The following PIAS1 variants were observed in gnomAD, a reference collection of about 807,000 sequenced individuals.
PIAS1 encodes protein inhibitor of activated STAT 1.
In PIAS1, 6 loss-of-function variants were observed where a neutral mutation model predicts 71.3. That is an observed-to-expected ratio of 0.08 (90% CI 0.05 to 0.17). The LOEUF is 0.17. PIAS1 is among the 10% of genes least tolerant of loss of function. The pLI is 1.00. For synonymous variants in PIAS1, 303 were observed against 292.9 expected (o/e 1.03, Z -0.35); for missense variants, 555 against 793.6 (o/e 0.70, Z 3.61).
intron 2 of PIAS1, among the ~76,000 whole-genome samples, chr15:68,140,178 A>G (rs1000438669): frequency 6.6e-6 from 1 of 152,150 alleles, no homozygotes; most frequent in Admixed American, 6.6e-5. Flanking sequence ...TAGCCTTGTT[A>G]TTTTAGTTAT....
At chr15:68,114,297 C>T (rs1304640049) in intron 2 of PIAS1, among the ~76,000 whole-genome samples, 1 of 151,868 alleles carries the variant, frequency 6.6e-6, no homozygotes, top group Non-Finnish European at 1.5e-5. Flanking sequence ...ATTCTCATAT[C>T]ATTAAGTATT....
chr15:68,118,565 C>T (rs1362071125), intron 2 of PIAS1, among the ~76,000 whole-genome samples: 1 of 150,260 alleles, frequency 6.7e-6, no homozygotes, highest in Non-Finnish European at 1.5e-5. Flanking sequence ...TGGTCTCTAA[C>T]TCCTCGCCTC....
intron 1 of PIAS1, among the ~76,000 whole-genome samples, chr15:68,085,711 A>T (rs1272058164): frequency 6.6e-6 from 1 of 152,236 alleles, no homozygotes; most frequent in Non-Finnish European, 1.5e-5. Flanking sequence ...AGTTGTAAAG[A>T]TAATGACATT....
chr15:68,092,414 C>G (rs956257969), intron 2 of PIAS1, among the ~76,000 whole-genome samples: 1 of 152,126 alleles, frequency 6.6e-6, no homozygotes, highest in Non-Finnish European at 1.5e-5. Context: ...TCAAAGCAGT[C>G]CGCTCACCTC....
At chr15:68,115,105 A>G (rs1256657194) in intron 2 of PIAS1, among the ~76,000 whole-genome samples, 2 of 152,112 alleles carry the variant, frequency 1.3e-5, no homozygotes, top group Non-Finnish European at 2.9e-5. Flanking sequence ...ATAAGTGAAA[A>G]TTTGAGGGAC....
chr15:68,082,031 C>T (rs1325497010), intron 1 of PIAS1, among the ~76,000 whole-genome samples: 2 of 152,042 alleles, frequency 1.3e-5, no homozygotes, highest in African/African-American at 4.8e-5. Flanking sequence ...CAGATTGGTA[C>T]TAGGCTTCTT....
chr15:68,112,665 G>A (rs2092532169), intron 2 of PIAS1, among the ~76,000 whole-genome samples: 1 of 152,154 alleles, frequency 6.6e-6, no homozygotes, highest in South Asian at 2.1e-4. Context: ...TCAAAGAAAT[G>A]CAAATTTAAG....
rs146383459 is a variant in PIAS1 at position 68,123,219 on chromosome 15, ATTTTTAAAAC to A, written c.470-18721_470-18712del. 6.1e-3 allele frequency among the ~76,000 whole-genome samples: 922 copies of A among 152,070 alleles called. 4 individuals carry two copies. The highest frequency in any genetic ancestry group is 0.032 in the East Asian group (166 of 5,164). On this transcript the variant is annotated intron_variant, in intron 2 of 13. Coordinates refer to ENST00000249636, the MANE Select transcript of PIAS1 (RefSeq NM_016166.3). ...TGGTGTGAGCCACCATGCCTGGCACATTTTTAAAACTTTTTGTAGAGAGTGTCTTGTAGTG... is the reference window on the plus strand; with the variant it reads ...TGGTGTGAGCCACCATGCCTGGCACATTTTTGTAGAGAGTGTCTTGTAGTG...
In PIAS1 at chr15:68,188,697, C is replaced by T. The variant is rs1251882078; in HGVS notation, c.*862C>T. On this transcript the variant is annotated 3_prime_UTR_variant, in exon 14 of 14. Coordinates refer to ENST00000249636, the MANE Select transcript of PIAS1 (RefSeq NM_016166.3). The stretch of plus-strand genomic sequence containing the variant: ...AGGCTTAGCCGACCTATGAATAATA[C>T]ACTTTAGTCTAGTTCTTTATTCTAA... The T allele has an allele frequency of 6.6e-6, 1 of 152,198 alleles. No homozygotes were observed. Among genetic ancestry groups the T allele is most frequent in the Non-Finnish European group, 1.5e-5 (1 of 68,034 alleles). The allele number at this position is 152,198 out of a possible 1,614,324, so 9.4% of individuals were successfully genotyped here.
intron 2 of PIAS1, among the ~76,000 whole-genome samples, chr15:68,122,487 A>T (rs2092620900): frequency 6.6e-6 from 1 of 152,196 alleles, no homozygotes; most frequent in Non-Finnish European, 1.5e-5. Flanking sequence ...CTAAAAGGAT[A>T]ATGTGAGATT....
intron 2 of PIAS1, among the ~76,000 whole-genome samples, chr15:68,123,490 G>A (rs1472681947): frequency 6.6e-6 from 1 of 152,012 alleles, no homozygotes; most frequent in Non-Finnish European, 1.5e-5. Context: ...ATAAGTCTTG[G>A]CATATGTCAT....
At chr15:68,075,129 G>C (rs2092146426) in intron 1 of PIAS1, among the ~76,000 whole-genome samples, 1 of 129,086 alleles carries the variant, frequency 7.7e-6, no homozygotes, top group South Asian at 2.4e-4. Flanking sequence ...CTTTTGCCCA[G>C]GCTGGAGCGA....
intron 2 of PIAS1, chr15:68,087,759 TGCGAA>T: frequency 3.1e-6 from 1 of 325,458 alleles, no homozygotes; most frequent in South Asian, 2.4e-5. Flanking sequence ...GAACATTTTT[TGCGAA>T]TTTTTGAGAA....
rs530409127 is a variant in PIAS1 at position 68,174,671 on chromosome 15, C to T, written c.1169+779C>T. On this transcript the variant is annotated intron_variant, in intron 9 of 13. Transcript: ENST00000249636. The surrounding 1 kb of genome is among the most constrained non-coding windows in gnomAD (Gnocchi z 4.0). Reference sequence around the variant, plus strand: ...AGGCATGTGAGCCACCACACCCAGCCTCTACTTAATATTTCCTGTACTTTC... The same window carrying T: ...AGGCATGTGAGCCACCACACCCAGCTTCTACTTAATATTTCCTGTACTTTC... Among the ~76,000 whole-genome samples the T allele has an allele frequency of 6.6e-6, 1 of 152,260 alleles. No homozygotes were observed. Among genetic ancestry groups the T allele is most frequent in the South Asian group, 2.1e-4 (1 of 4,824 alleles).
At chr15:68,107,975 A>C (rs147533306) in intron 2 of PIAS1, among the ~76,000 whole-genome samples, 1 of 152,328 alleles carries the variant, frequency 6.6e-6, no homozygotes, top group East Asian at 1.9e-4. Flanking sequence ...ATCAACAGTG[A>C]GGAAGAGTTA....
intron 1 of PIAS1, among the ~76,000 whole-genome samples, chr15:68,066,146 G>A (rs1275409690): frequency 6.6e-6 from 1 of 151,618 alleles, no homozygotes; most frequent in Non-Finnish European, 1.5e-5. Flanking sequence ...TTGAGACAGA[G>A]TCTCGCTCTG....
chr15:68,135,235 C>CG (rs1331355778), intron 2 of PIAS1, among the ~76,000 whole-genome samples: 1 of 31,290 alleles, frequency 3.2e-5, no homozygotes, highest in Non-Finnish European at 1.2e-4. Flanking sequence ...GCTGGCCGGG[C>CG]GGGGGCTGAC....
Position 68,070,833 on chromosome 15 carries a change from C to G in PIAS1, c.25-15473C>G, listed in dbSNP as rs193169568. Among the ~76,000 whole-genome samples, 26 of 152,228 alleles carry G rather than the reference C, an allele frequency of 1.7e-4. No individual in the cohort carries two copies. In the East Asian group the frequency reaches 3.3e-3, roughly 19 times the overall value. ...ATGTGGCCTCACTATGTTGGCCAGG[C>G]TGGTCTTGAACTCCTGGGCTCAAGT... On this transcript the variant is annotated intron_variant, in intron 1 of 13. Transcript: ENST00000249636.
intron 7 of PIAS1, among the ~76,000 whole-genome samples, chr15:68,157,269 C>T (rs1188123101): frequency 6.6e-6 from 1 of 152,130 alleles, no homozygotes; most frequent in East Asian, 1.9e-4. Flanking sequence ...CATATATCTG[C>T]TCTTTGTCCT....
Sources: allele counts gnomAD v4.1 joint callset (sites outside exome capture counted in the v4.1 genomes callset), GRCh38; gene constraint gnomAD v4.1.1; non-coding constraint Gnocchi (gnomAD v3.1); transcripts MANE v1.5; gene names NCBI Gene and HGNC (gene_info 2026-07-23, HGNC 2026-07-21).